Variants in NECTIN3 observed in about 807,000 individuals in gnomAD.
NECTIN3 encodes nectin-3.
NECTIN3 carries 8 observed loss-of-function variants against 49.4 expected under a neutral mutation model. That is an observed-to-expected ratio of 0.16 (90% CI 0.10 to 0.29). The LOEUF (loss-of-function observed/expected upper bound fraction) is 0.29, where lower values mean the gene tolerates loss of function less well. NECTIN3 is among the 10% of genes least tolerant of loss of function. NECTIN3 has a pLI of 1.00. For missense variants in NECTIN3, 581 were observed against 654.6 expected (o/e 0.89, Z 1.23); for synonymous variants, 277 against 241.1 (o/e 1.15, Z -1.38).
chr3:111,126,478 T>G, intron 5 of NECTIN3, 143 bp downstream of exon 5: 1 of 700,958 alleles, frequency 1.4e-6, no homozygotes. Context: ...CTAAAAGGAA[T>G]ATGATAAAAT....
At chr3:111,084,492 A>C (rs747439268) in intron 1 of NECTIN3, among the ~76,000 whole-genome samples, 2 of 152,216 alleles carry the variant, frequency 1.3e-5, no homozygotes. Context: ...GATAAAGAAC[A>C]AAATGTGTTC....
intron 7 of NECTIN3, among the ~76,000 whole-genome samples, chr3:111,187,267 G>T (rs2035737964): frequency 6.6e-6 from 1 of 152,156 alleles, no homozygotes; most frequent in South Asian, 2.1e-4. Flanking sequence ...GCCAGGCATG[G>T]TGGTGTGTGC....
chr3:111,076,456 CAGTT>C (rs1377965265), intron 1 of NECTIN3, among the ~76,000 whole-genome samples: 1 of 152,014 alleles, frequency 6.6e-6, no homozygotes, highest in Non-Finnish European at 1.5e-5. Context: ...AATCAAATAA[CAGTT>C]AAGTCAATAA....
rs190078120 is a variant in NECTIN3 at position 111,117,510 on chromosome 3, G to A, written c.503-1146G>A. 2.5e-3 allele frequency among the ~76,000 whole-genome samples: 377 copies of A among 152,196 alleles called. 2 individuals carry two copies. Among genetic ancestry groups the A allele is most frequent in the African/African-American group, 8.7e-3 (360 of 41,556 alleles). Reference sequence around the variant, plus strand: ...AAATTGTTCATTGCGTGTGTTGCATGTACTTTTTCATTTGTTATTTTACAG... The same window carrying A: ...AAATTGTTCATTGCGTGTGTTGCATATACTTTTTCATTTGTTATTTTACAG... On this transcript the variant is annotated intron_variant, in intron 2 of 5. Coordinates refer to ENST00000485303, the MANE Select transcript of NECTIN3 (RefSeq NM_015480.3).
intron 7 of NECTIN3, among the ~76,000 whole-genome samples, chr3:111,168,945 C>T (rs889407281): frequency 2.0e-5 from 3 of 152,026 alleles, no homozygotes; most frequent in Non-Finnish European, 2.9e-5. Flanking sequence ...CCCTATATTA[C>T]CTTGTACTGG....
Position 111,136,572 on chromosome 3 carries a change from A to T in NECTIN3, c.*2357A>T. 1.1e-6 allele frequency: 1 copy of T among 941,028 alleles called. No homozygotes were observed. The highest frequency in any genetic ancestry group is 4.9e-5 in the South Asian group (1 of 20,378). 58.3% of individuals were successfully genotyped at this position (941,028 alleles called of 1,614,324 possible). A position where few individuals can be genotyped will look rare whatever the true frequency, so the allele number is the denominator to read the frequency against. On this transcript the variant is annotated 3_prime_UTR_variant, in exon 6 of 6. Coordinates refer to ENST00000485303, the MANE Select transcript of NECTIN3 (RefSeq NM_015480.3). ...TTTACTGTACATAGAGACTTGTTTG[A>T]AAACATGAATAGTCATTAAATAAAG...
At chr3:111,126,097 T>C in intron 4 of NECTIN3, 87 bp from the exon 5 acceptor site, 1 of 946,974 alleles carries the variant, frequency 1.1e-6, no homozygotes, top group African/African-American at 1.7e-5. Context: ...GACTAACATC[T>C]CAAACATATA....
chr3:111,122,286 C>A, intron 4 of NECTIN3, 48 bp downstream of exon 4: 1 of 1,354,616 alleles, frequency 7.4e-7, no homozygotes, highest in Non-Finnish European at 1.0e-6. Context: ...GTGAAACCTT[C>A]TTAAATCCCC....
At chr3:111,185,342 A>G (rs139119993) in intron 7 of NECTIN3, among the ~76,000 whole-genome samples, 1 of 152,134 alleles carries the variant, frequency 6.6e-6, no homozygotes, top group African/African-American at 2.4e-5. Flanking sequence ...GTGTGGATGG[A>G]TATTTTGTGT....
At chr3:111,152,479 G>A (rs2035020234) in intron 7 of NECTIN3, among the ~76,000 whole-genome samples, 1 of 151,518 alleles carries the variant, frequency 6.6e-6, no homozygotes, top group Non-Finnish European at 1.5e-5. Flanking sequence ...TCTTTTGGTG[G>A]GTTTCTCCAT....
chr3:111,124,109 G>A (rs2034063143), intron 4 of NECTIN3, among the ~76,000 whole-genome samples: 1 of 152,034 alleles, frequency 6.6e-6, no homozygotes, highest in African/African-American at 2.4e-5. Context: ...CTATTTTAAA[G>A]GTAGAGAAAA....
intron 1 of NECTIN3, among the ~76,000 whole-genome samples, chr3:111,081,387 A>T (rs994939085): frequency 1.3e-5 from 2 of 152,362 alleles, no homozygotes; most frequent in Middle Eastern, 3.4e-3. Flanking sequence ...CTTTGCCCTT[A>T]AGAAATGTAA....
chr3:111,090,083 T>A (rs1324333939), intron 1 of NECTIN3, among the ~76,000 whole-genome samples: 1 of 152,174 alleles, frequency 6.6e-6, no homozygotes, highest in Non-Finnish European at 1.5e-5. Context: ...CAATTAGCGT[T>A]TGCATTTTAT....
At chr3:111,098,581 T>A (rs1044040694) in intron 1 of NECTIN3, among the ~76,000 whole-genome samples, 2 of 152,180 alleles carry the variant, frequency 1.3e-5, no homozygotes, top group Non-Finnish European at 2.9e-5. Flanking sequence ...GTCATTGGAT[T>A]TGGGATCTAC....
At chr3:111,093,426 G>T (rs1187062808) in intron 1 of NECTIN3, among the ~76,000 whole-genome samples, 15 of 140,230 alleles carry the variant, frequency 1.1e-4, no homozygotes, top group Middle Eastern at 3.8e-3. Flanking sequence ...ATTTTGTTGG[G>T]TTTTTTTTTT....
chr3:111,118,209 A>T (rs1166654880), intron 2 of NECTIN3, among the ~76,000 whole-genome samples: 2 of 138,076 alleles, frequency 1.4e-5, no homozygotes, highest in African/African-American at 5.3e-5. Flanking sequence ...CTTATTTTTA[A>T]AAGTATTTGC....
chr3:111,126,779 A>G (rs1310540773), intron 5 of NECTIN3, among the ~76,000 whole-genome samples: 1 of 152,166 alleles, frequency 6.6e-6, no homozygotes, highest in Non-Finnish European at 1.5e-5. Flanking sequence ...TTCCCACTTA[A>G]TATGGGACTA....
intron 2 of NECTIN3, among the ~76,000 whole-genome samples, chr3:111,117,145 A>G (rs1431347062): frequency 6.6e-6 from 1 of 152,082 alleles, no homozygotes; most frequent in Non-Finnish European, 1.5e-5. Flanking sequence ...ATAAAAAAGT[A>G]AAAAAATGAA....
At chr3:111,119,641 G>C (rs2033859340) in intron 3 of NECTIN3, among the ~76,000 whole-genome samples, 1 of 152,102 alleles carries the variant, frequency 6.6e-6, no homozygotes, top group Non-Finnish European at 1.5e-5. Flanking sequence ...TATTTTCTTT[G>C]TCTTTCCTAT....
Sources: gnomAD v4.1 joint callset for allele counts (sites outside exome capture counted in the v4.1 genomes callset) on GRCh38, gnomAD v4.1.1 for gene constraint, MANE v1.5 for transcripts, NCBI Gene and HGNC (gene_info 2026-07-23, HGNC 2026-07-21) for gene names.